Variants in ARHGAP6 observed in about 807,000 individuals in gnomAD.
ARHGAP6 encodes the protein rho GTPase-activating protein 6.
A neutral mutation model predicts 55.7 loss-of-function variants in ARHGAP6; 16 were observed. That is an observed-to-expected ratio of 0.29 (90% CI 0.19 to 0.44). The LOEUF (loss-of-function observed/expected upper bound fraction) is 0.44, where lower values mean the gene tolerates loss of function less well. Ranked by LOEUF, ARHGAP6 falls within the 20% of genes least tolerant of loss-of-function variation. The pLI, the probability that ARHGAP6 is intolerant of heterozygous loss-of-function variation, is 1.00. For missense variants in ARHGAP6, 698 were observed against 808.9 expected (o/e 0.86, Z 1.66); for synonymous variants, 382 against 360.9 (o/e 1.06, Z -0.66).
intron 2 of ARHGAP6, among the ~76,000 whole-genome samples, chrX:11,224,811 G>A (rs751343401): frequency 1.8e-5 from 2 of 110,884 alleles, no homozygotes; most frequent in East Asian, 5.6e-4. Context: ...TGAAGTGAGT[G>A]ACCTACAGTG....
At chrX:11,444,352 C>A (rs1329020117) in intron 1 of ARHGAP6, among the ~76,000 whole-genome samples, 3 of 112,567 alleles carry the variant, frequency 2.7e-5, no homozygotes, top group Admixed American at 9.4e-5. Context: ...TAAACATTAG[C>A]AAAAGTTGGG....
At chrX:11,514,845 C>A (rs1276445511) in intron 1 of ARHGAP6, among the ~76,000 whole-genome samples, 1 of 103,242 alleles carries the variant, frequency 9.7e-6, no homozygotes, top group African/African-American at 3.5e-5. Flanking sequence ...ATTGCACACA[C>A]ACACACACAC....
chrX:11,573,382 C>T (rs1291755067), intron 1 of ARHGAP6, among the ~76,000 whole-genome samples: 1 of 110,488 alleles, frequency 9.1e-6, no homozygotes, highest in African/African-American at 3.3e-5. Flanking sequence ...AGGAAGGGAT[C>T]CAGTTTCAGC....
intron 1 of ARHGAP6, among the ~76,000 whole-genome samples, chrX:11,466,573 T>C (rs1240011989): frequency 1.8e-5 from 2 of 111,861 alleles, no homozygotes; most frequent in Non-Finnish European, 3.8e-5. Context: ...GGCACAATTA[T>C]AGCTCATTGT....
intron 1 of ARHGAP6, among the ~76,000 whole-genome samples, chrX:11,316,078 A>G (rs947066913): frequency 2.7e-5 from 3 of 111,973 alleles, no homozygotes; most frequent in African/African-American, 9.7e-5. Context: ...CTGTCAGTAA[A>G]TCTTGTTGGC....
At chrX:11,226,865 G>A (rs1381498224) in intron 2 of ARHGAP6, among the ~76,000 whole-genome samples, 1 of 112,089 alleles carries the variant, frequency 8.9e-6, no homozygotes, top group African/African-American at 3.2e-5. Flanking sequence ...ATGAAAATTT[G>A]TAATCATAAG....
At chrX:11,333,105 C>A (rs896510384) in intron 1 of ARHGAP6, among the ~76,000 whole-genome samples, 4 of 112,055 alleles carry the variant, frequency 3.6e-5, no homozygotes, top group African/African-American at 1.3e-4. Flanking sequence ...CCACTGAGAA[C>A]AGTAAGGCTA....
At chrX:11,515,899 C>G (rs1269918511) in intron 1 of ARHGAP6, among the ~76,000 whole-genome samples, 6 of 112,576 alleles carry the variant, frequency 5.3e-5, no homozygotes, top group Non-Finnish European at 1.1e-4. Context: ...GAGTCAAAAG[C>G]CCCCATGAAC....
intron 1 of ARHGAP6, among the ~76,000 whole-genome samples, chrX:11,403,323 C>A (rs1402594839): frequency 9.0e-6 from 1 of 111,306 alleles, no homozygotes; most frequent in African/African-American, 3.3e-5. Context: ...TTCTCTAAAG[C>A]CCTGGTGTCA....
At chrX:11,427,798 G>C (rs1195644874) in intron 1 of ARHGAP6, 1 of 751,857 alleles carries the variant, frequency 1.3e-6, no homozygotes, top group Admixed American at 9.2e-5. Flanking sequence ...AGGCAGCGGC[G>C]CGAAGGGGGA....
intron 1 of ARHGAP6, among the ~76,000 whole-genome samples, chrX:11,520,620 A>G (rs1265314604): frequency 9.0e-6 from 1 of 111,282 alleles, no homozygotes; most frequent in Non-Finnish European, 1.9e-5. Flanking sequence ...CACAATAAAC[A>G]TACGTATGCA....
chrX:11,292,887 T>C lies in ARHGAP6; in HGVS notation c.589-38180A>G, dbSNP rs1293404250. On this transcript the variant is annotated intron_variant, in intron 1 of 12. Transcript: ENST00000337414. ...CCAAGGGGAACAGAGAAAAAATACCTTCAATGGAAGCAGATAATAGAGCAG... is the reference window on the plus strand; with the variant it reads ...CCAAGGGGAACAGAGAAAAAATACCCTCAATGGAAGCAGATAATAGAGCAG... 2.7e-5 allele frequency among the ~76,000 whole-genome samples: 3 copies of C among 111,718 alleles called. No homozygotes were observed. The East Asian group carries it at 8.4e-4, about 31-fold the overall frequency.
intron 1 of ARHGAP6, among the ~76,000 whole-genome samples, chrX:11,326,666 T>C (rs979508684): frequency 8.9e-6 from 1 of 111,817 alleles, no homozygotes; most frequent in African/African-American, 3.2e-5. Context: ...TCCCTCGATG[T>C]CAAAAGTAAG....
intron 10 of ARHGAP6, 41 bp downstream of exon 10, chrX:11,156,488 C>T: frequency 9.2e-7 from 1 of 1,091,141 alleles, no homozygotes; most frequent in Non-Finnish European, 1.3e-6. Context: ...AAATAGAAAT[C>T]TCCAATGCGG....
In ARHGAP6 at chrX:11,507,430, G is replaced by C. The variant is rs753969669; in HGVS notation, c.588+156811C>G. On this transcript the variant is annotated intron_variant, in intron 1 of 12. Coordinates refer to ENST00000337414, the MANE Select transcript of ARHGAP6 (RefSeq NM_013427.3). ...AAGGGATATTTGCTCAGGTGACAGG[G>C]AAATTTATCTCAGGGGCCTCTACTG... Among the ~76,000 whole-genome samples, 5 of 111,549 alleles carry C rather than the reference G, an allele frequency of 4.5e-5. No homozygotes were observed. In the South Asian group the frequency reaches 1.9e-3, roughly 42 times the overall value.
chrX:11,311,855 G>A (rs1382916181), intron 1 of ARHGAP6, among the ~76,000 whole-genome samples: 1 of 111,548 alleles, frequency 9.0e-6, no homozygotes, highest in Non-Finnish European at 1.9e-5. Flanking sequence ...GGAAAAAAGT[G>A]GGGGGAAATC....
chrX:11,508,416 C>A (rs760268021), intron 1 of ARHGAP6, among the ~76,000 whole-genome samples: 16 of 111,564 alleles, frequency 1.4e-4, no homozygotes, highest in Non-Finnish European at 2.4e-4. Flanking sequence ...TTCACCTGAG[C>A]AGCCTGTATT....
intron 6 of ARHGAP6, 84 bp from the exon 7 acceptor site, chrX:11,179,536 T>C: frequency 1.8e-6 from 2 of 1,090,950 alleles, no homozygotes; most frequent in Non-Finnish European, 2.5e-6. Flanking sequence ...CTGTGACACG[T>C]AGCATCTGGA....
At chrX:11,251,357 C>T (rs1178555098) in intron 2 of ARHGAP6, among the ~76,000 whole-genome samples, 1 of 111,982 alleles carries the variant, frequency 8.9e-6, no homozygotes, top group Non-Finnish European at 1.9e-5. Context: ...GTCAAACCCT[C>T]CACTTGTGCT....
Sources: gnomAD v4.1 joint callset for allele counts (sites outside exome capture counted in the v4.1 genomes callset) on GRCh38, gnomAD v4.1.1 for gene constraint, MANE v1.5 for transcripts, NCBI Gene and HGNC (gene_info 2026-07-23, HGNC 2026-07-21) for gene names.